Variants in CD1C observed in about 807,000 individuals in gnomAD.
CD1C encodes the protein T-cell surface glycoprotein CD1c.
CD1C carries 47 observed loss-of-function variants against 39.4 expected under a neutral mutation model. The observed-to-expected ratio is 1.19, with a 90% confidence interval of 0.94 to 1.52. CD1C has a LOEUF of 1.52. Ranked by LOEUF, CD1C falls within the 40% of genes most tolerant of loss-of-function variation. The pLI, the probability that CD1C is intolerant of heterozygous loss-of-function variation, is 0.00. For synonymous variants in CD1C, 165 were observed against 150.8 expected, an observed-to-expected ratio of 1.09 and a Z score of -0.69; for missense variants, 417 against 395.2, an observed-to-expected ratio of 1.06 and a Z score of -0.47.
chr1:158,293,485 C>G lies in CD1C; in HGVS notation c.*9C>G. The G allele has an allele frequency of 6.2e-7, 1 of 1,614,110 alleles. No individual in the cohort carries two copies. Among genetic ancestry groups the G allele is most frequent in the Admixed American group, 1.7e-5 (1 of 60,016 alleles). On this transcript the variant is annotated 3_prime_UTR_variant, in exon 6 of 6. Coordinates refer to ENST00000368170, the MANE Select transcript of CD1C (RefSeq NM_001765.3). ...ATCAGGACATCCTGTGAGACTCTTC[C>G]CCCTGACTCCCCCATTGTGTTAAGA... is the stretch of plus-strand genomic sequence containing the variant.
At position 158,294,122 on chromosome 1, in the gene CD1C, G is replaced by A. The variant is rs528013348; in HGVS notation, c.*646G>A. 3.9e-5 allele frequency among the ~76,000 whole-genome samples: 6 copies of A among 152,300 alleles called. No individual in the cohort carries two copies. Among genetic ancestry groups the A allele is most frequent in the African/African-American group, 1.4e-4 (6 of 41,556 alleles). On this transcript the variant is annotated 3_prime_UTR_variant, in exon 6 of 6. Coordinates refer to ENST00000368170, the MANE Select transcript of CD1C (RefSeq NM_001765.3). ...TTTCTAAACACAGAGAATTACAAAT[G>A]CAAATAGACAGAGAGTGTGCAAGTT...
In CD1C at chr1:158,292,342, G is replaced by C. The variant is rs1214523829; in HGVS notation, c.587G>C (p.Gly196Ala). The change falls in exon 3 of 6, where the codon GGG (glycine) becomes GCG (alanine). Residue 196 changes from glycine to alanine, a missense_variant. Coordinates refer to ENST00000368170, the MANE Select transcript of CD1C (RefSeq NM_001765.3). ...TTTCTCTTGGGTCTCCTGGATGCAG[G>C]GAAGATGTATGTACACAGGCAAGGT... Reference protein sequence around the residue: ...PRFLLGLLDAGKMYVHRQVRP... With the variant: ...PRFLLGLLDAAKMYVHRQVRP... 2 of 1,613,806 alleles carry C rather than the reference G, an allele frequency of 1.2e-6. No individual in the cohort carries two copies. Among genetic ancestry groups the C allele is most frequent in the African/African-American group, 2.7e-5 (2 of 74,908 alleles).
At chr1:158,292,479 G>T (rs926638330) in intron 3 of CD1C, 114 bp downstream of exon 3, 2 of 1,489,540 alleles carry the variant, frequency 1.3e-6, no homozygotes, top group East Asian at 2.3e-5. Flanking sequence ...GGGTTGCTGG[G>T]TAATAGTTTC....
rs958965508 is a variant in CD1C, at chr1:158,294,135, G to A, written c.*659G>A. Among the ~76,000 whole-genome samples, 1 of 152,204 alleles carries A rather than the reference G, an allele frequency of 6.6e-6. No individual in the cohort carries two copies. The highest frequency in any genetic ancestry group is 1.5e-5 in the Non-Finnish European group (1 of 68,030). On this transcript the variant is annotated 3_prime_UTR_variant, in exon 6 of 6. Transcript: ENST00000368170. ...AGAATTACAAATGCAAATAGACAGA[G>A]AGTGTGCAAGTTACATGTGATGATC...
In CD1C at chr1:158,291,785, C is replaced by T. The variant is rs1571144205; in HGVS notation, c.329-299C>T. Among the ~76,000 whole-genome samples, 3 of 152,224 alleles carry T rather than the reference C, an allele frequency of 2.0e-5. No homozygotes were observed. The South Asian group carries it at 6.2e-4, about 32-fold the overall frequency. On this transcript the variant is annotated intron_variant, in intron 2 of 5. Coordinates refer to ENST00000368170, the MANE Select transcript of CD1C (RefSeq NM_001765.3). ...TCATGCGTCATGGAATGCTATCCTCCTACCTCCCTCACAAAGGCTCCCCCT... is the reference window on the plus strand; with the variant it reads ...TCATGCGTCATGGAATGCTATCCTCTTACCTCCCTCACAAAGGCTCCCCCT...
At position 158,292,671 on chromosome 1, in the gene CD1C, G is replaced by A. The variant is rs947848706; in HGVS notation, c.686G>A (p.Gly229Asp). ...GQLLLVCHAS[G>D]FYPKPVWVTW... is the part of the protein sequence containing the mutation. ...CTGTTGCTGGTTTGTCATGCCTCCG[G>A]CTTCTACCCAAAGCCTGTTTGGGTG... Residue 229 changes from glycine to aspartate, a missense_variant, in exon 4 of 6, where the codon GGC (glycine) becomes GAC (aspartate). Coordinates refer to ENST00000368170, the MANE Select transcript of CD1C (RefSeq NM_001765.3). 2.5e-6 allele frequency: 4 copies of A among 1,613,948 alleles called. No individual in the cohort carries two copies. The highest frequency in any genetic ancestry group is 3.4e-6 in the Non-Finnish European group (4 of 1,180,042).
chr1:158,292,270 G>A lies in CD1C; in HGVS notation c.515G>A (p.Gly172Asp), dbSNP rs905216602. The A allele has an allele frequency of 3.1e-5, 50 of 1,614,064 alleles. No homozygotes were observed. Among genetic ancestry groups the A allele is most frequent in the Non-Finnish European group, 4.1e-5 (48 of 1,180,036 alleles). ...CATCTACTCAATCATCAGTATGAAG[G>A]CGTCACAGAAACAGTGTATAATCTC... Reference protein sequence around the residue: ...VCHLLNHQYEGVTETVYNLIR... With the variant: ...VCHLLNHQYEDVTETVYNLIR... Residue 172 changes from glycine (G) to aspartate (D), a missense_variant, in exon 3 of 6, where the codon GGC becomes GAC. Physicochemically the swap from Gly to Asp is moderately conservative, Grantham distance 94. Coordinates refer to ENST00000368170, the MANE Select transcript of CD1C (RefSeq NM_001765.3).
chr1:158,293,564 C>G lies in CD1C; in HGVS notation c.*88C>G. The stretch of plus-strand genomic sequence containing the variant: ...ATAGTGATGCCATCCCGTCGACTCT[C>G]CATTTAAATTGTTTCTCTTTCTGCA... On this transcript the variant is annotated 3_prime_UTR_variant, in exon 6 of 6. Coordinates refer to ENST00000368170, the MANE Select transcript of CD1C (RefSeq NM_001765.3). 1.2e-6 allele frequency: 2 copies of G among 1,613,840 alleles called. No individual in the cohort carries two copies. Among genetic ancestry groups the G allele is most frequent in the Middle Eastern group, 1.6e-4 (1 of 6,062 alleles).
At chr1:158,292,048 G>C (rs956911228) in intron 2 of CD1C, 36 bp from the exon 3 acceptor site, 1 of 1,572,686 alleles carries the variant, frequency 6.4e-7, no homozygotes, top group African/African-American at 1.4e-5. Flanking sequence ...TCACTTTTTT[G>C]TTTGAACTCT....
In CD1C at chr1:158,294,563, G is replaced by A. The variant is rs1446468458; in HGVS notation, c.*1087G>A. On this transcript the variant is annotated 3_prime_UTR_variant, in exon 6 of 6. Transcript: ENST00000368170. ...TATAGTAAAATTTGAATCTTTAAGT[G>A]TACAGTTCTATTTATTTTGATAATT... is the stretch of plus-strand genomic sequence containing the variant. Among the ~76,000 whole-genome samples the A allele has an allele frequency of 6.6e-6, 1 of 152,036 alleles. No homozygotes were observed. The highest frequency in any genetic ancestry group is 1.5e-5 in the Non-Finnish European group (1 of 68,020).
intron 4 of CD1C, 23 bp downstream of exon 4, chr1:158,292,897 T>C: frequency 1.9e-6 from 3 of 1,610,772 alleles, no homozygotes; most frequent in Non-Finnish European, 2.5e-6. Context: ...GTTGGAAGTG[T>C]AGGTAGGTGG....
Position 158,292,803 on chromosome 1 carries a change from A to C in CD1C, c.818A>C (p.Glu273Ala). Residue 273 changes from glutamate to alanine, a missense_variant, in exon 4 of 6, where the codon GAG (glutamate) becomes GCG (alanine). Coordinates refer to ENST00000368170, the MANE Select transcript of CD1C (RefSeq NM_001765.3). ...CAGGTGATCCTGGAGGTGGCATCTG[A>C]GGAGCCTGCTGGCCTGTCTTGTCGA... is the stretch of plus-strand genomic sequence containing the variant. ...YLQVILEVAS[E>A]EPAGLSCRVR... 1 of 1,614,196 alleles carries C rather than the reference A, an allele frequency of 6.2e-7. No homozygotes were observed. The highest frequency in any genetic ancestry group is 8.5e-7 in the Non-Finnish European group (1 of 1,180,032).
rs746276859 is a variant in CD1C, at chr1:158,292,675, C to A, written c.690C>A (p.Phe230Leu). The A allele has an allele frequency of 6.2e-7, 1 of 1,614,016 alleles. No individual in the cohort carries two copies. Among genetic ancestry groups the A allele is most frequent in the South Asian group, 1.1e-5 (1 of 91,068 alleles). Reference sequence around the variant, plus strand: ...TGCTGGTTTGTCATGCCTCCGGCTTCTACCCAAAGCCTGTTTGGGTGACAT... The same window carrying A: ...TGCTGGTTTGTCATGCCTCCGGCTTATACCCAAAGCCTGTTTGGGTGACAT... ...QLLLVCHASG[F>L]YPKPVWVTWM... is the part of the protein sequence containing the mutation. The change falls in exon 4 of 6, where the codon TTC becomes TTA. Residue 230 changes from phenylalanine to leucine, a missense_variant. Phe to Leu is a conservative substitution (Grantham distance 22). Coordinates refer to ENST00000368170, the MANE Select transcript of CD1C (RefSeq NM_001765.3).
At chr1:158,291,430 T>C in intron 2 of CD1C, 30 bp downstream of exon 2, 23 of 1,602,340 alleles carry the variant, frequency 1.4e-5, no homozygotes, top group Non-Finnish European at 1.9e-5. Context: ...TTATGGGAGT[T>C]CTTTAGAATG....
intron 1 of CD1C, among the ~76,000 whole-genome samples, chr1:158,290,472 C>T (rs1317057480): frequency 6.6e-6 from 1 of 152,032 alleles, no homozygotes. Flanking sequence ...TTCAATGCCA[C>T]GCACCACTTT....
At chr1:158,293,187 C>G (rs181038374) in intron 4 of CD1C, 25 bp from the exon 5 acceptor site, 1 of 1,548,868 alleles carries the variant, frequency 6.5e-7, no homozygotes, top group Non-Finnish European at 8.9e-7. Flanking sequence ...AAAATGGCAT[C>G]CATGTATCTT....
At chr1:158,290,343 G>C (rs1650991235) in intron 1 of CD1C, among the ~76,000 whole-genome samples, 1 of 152,162 alleles carries the variant, frequency 6.6e-6, no homozygotes, top group Non-Finnish European at 1.5e-5. Context: ...TGTGGTAACT[G>C]GTTCAATTTC....
In CD1C at chr1:158,292,641, G is replaced by A. The variant is rs1302749251; in HGVS notation, c.656G>A (p.Gly219Asp). The A allele has an allele frequency of 2.5e-6, 4 of 1,613,288 alleles. No homozygotes were observed. The highest frequency in any genetic ancestry group is 1.3e-5 in the African/African-American group (1 of 74,930). ...TCCAGTCGCCCCAGCCTTGGGTCTG[G>A]CCAGCTGTTGCTGGTTTGTCATGCC... ...WLSSRPSLGSGQLLLVCHASG... is the reference protein window; with the variant it reads ...WLSSRPSLGSDQLLLVCHASG... The change falls in exon 4 of 6, where the codon GGC becomes GAC. Residue 219 changes from glycine (G) to aspartate (D), a missense_variant. Physicochemically the swap from Gly to Asp is moderately conservative, Grantham distance 94. Coordinates refer to ENST00000368170, the MANE Select transcript of CD1C (RefSeq NM_001765.3).
At chr1:158,291,066 T>C (rs1052093146) in intron 1 of CD1C, 68 bp from the exon 2 acceptor site, 1 of 1,498,890 alleles carries the variant, frequency 6.7e-7, no homozygotes, top group Non-Finnish European at 9.0e-7. Flanking sequence ...CCTTCCATTT[T>C]CTCTCCATTT....
Sources: allele counts gnomAD v4.1 joint callset (sites outside exome capture counted in the v4.1 genomes callset), GRCh38; gene constraint gnomAD v4.1.1; transcripts MANE v1.5; gene names NCBI Gene and HGNC (gene_info 2026-07-23, HGNC 2026-07-21).